MICU2: variants seen among roughly 807,000 people sequenced by gnomAD.
MICU2 encodes calcium uptake protein 2, mitochondrial.
Under a neutral mutation model 60.4 loss-of-function variants are expected in MICU2, and 64 were observed. That is an observed-to-expected ratio of 1.06 (90% CI 0.87 to 1.31). The LOEUF (loss-of-function observed/expected upper bound fraction) is 1.31. Ranked by LOEUF, MICU2 falls within the 50% of genes most tolerant of loss-of-function variation. The probability of loss-of-function intolerance (pLI) is 0.00; values close to 1 mark genes in which losing one functional copy is unlikely to be tolerated. For synonymous variants in MICU2, 201 were observed against 175.0 expected (o/e 1.15, Z -1.17); for missense variants, 569 against 531.0 (o/e 1.07, Z -0.70).
chr13:21,527,219 T>C (rs1886880981), intron 4 of MICU2, among the ~76,000 whole-genome samples: 1 of 152,190 alleles, frequency 6.6e-6, no homozygotes, highest in Non-Finnish European at 1.5e-5. Flanking sequence ...CTGAGAGAAG[T>C]GCTCTAATGT....
chr13:21,576,767 C>T (rs1366596633), intron 1 of MICU2, among the ~76,000 whole-genome samples: 1 of 152,170 alleles, frequency 6.6e-6, no homozygotes, highest in Admixed American at 6.5e-5. Context: ...TGACTGATAG[C>T]AGTTTGCCTC....
chr13:21,510,649 C>G (rs1251085837), intron 7 of MICU2, among the ~76,000 whole-genome samples: 1 of 151,704 alleles, frequency 6.6e-6, no homozygotes, highest in Non-Finnish European at 1.5e-5. Context: ...CATCAGCAAC[C>G]AAACAACAAA....
chr13:21,542,682 C>A lies in MICU2; in HGVS notation c.359-2994G>T, dbSNP rs571725479. On this transcript the variant is annotated intron_variant, in intron 2 of 11. Coordinates refer to ENST00000382374, the MANE Select transcript of MICU2 (RefSeq NM_152726.3). ...TGTTTTTGTAGGAGGCGGCATAGAT[C>A]TTGAAGCACTAGGAATTTTGGTTCA... Among the ~76,000 whole-genome samples the A allele has an allele frequency of 4.4e-4, 67 of 152,200 alleles. No individual in the cohort carries two copies. The South Asian group carries it at 7.1e-3, about 16-fold the overall frequency.
At position 21,604,042 on chromosome 13, in the gene MICU2, G is replaced by A. The variant is rs780870527; in HGVS notation, c.107C>T (p.Ala36Val). The A allele has an allele frequency of 2.5e-6, 4 of 1,606,692 alleles. No individual in the cohort carries two copies. In the Admixed American group the frequency reaches 6.7e-5, roughly 27 times the overall value. ...CAGGGCCGCGCCGGCCACTGCCGCT[G>A]CCAAGGGGCCGGGACTCCGCACAGC... is the stretch of plus-strand genomic sequence containing the variant. Reference protein sequence around the residue: ...RQAVRSPGPLAAAVAGAALAG... With the variant: ...RQAVRSPGPLVAAVAGAALAG... The change falls in exon 1 of 12, where the codon GCA becomes GTA. Residue 36 changes from alanine to valine, a missense_variant. Ala to Val is a moderately conservative substitution (Grantham distance 64). Transcript: ENST00000382374.
chr13:21,602,560 C>A (rs969977278), intron 1 of MICU2, among the ~76,000 whole-genome samples: 3 of 151,664 alleles, frequency 2.0e-5, no homozygotes, highest in South Asian at 2.1e-4. Context: ...AACAAAAAAA[C>A]CAGGATGAAT....
chr13:21,517,487 T>C (rs1281030880), intron 6 of MICU2, among the ~76,000 whole-genome samples: 1 of 152,116 alleles, frequency 6.6e-6, no homozygotes, highest in Non-Finnish European at 1.5e-5. Flanking sequence ...TATAAGATGC[T>C]ACATACAGCC....
chr13:21,564,326 T>C (rs1887923204), intron 2 of MICU2, among the ~76,000 whole-genome samples: 1 of 152,178 alleles, frequency 6.6e-6, no homozygotes, highest in African/African-American at 2.4e-5. Flanking sequence ...GTTTACTGTT[T>C]GCTGTAGTTG....
At chr13:21,547,135 C>A (rs1383388305) in intron 2 of MICU2, among the ~76,000 whole-genome samples, 1 of 152,156 alleles carries the variant, frequency 6.6e-6, no homozygotes, top group African/African-American at 2.4e-5. Context: ...TATGTACTTA[C>A]TGCCTTTTAT....
chr13:21,577,243 A>G (rs1888246595), intron 1 of MICU2, among the ~76,000 whole-genome samples: 1 of 152,252 alleles, frequency 6.6e-6, no homozygotes, highest in African/African-American at 2.4e-5. Flanking sequence ...CATTAACTTG[A>G]GTAAACCTTT....
intron 2 of MICU2, among the ~76,000 whole-genome samples, chr13:21,556,401 G>T (rs1456940329): frequency 6.6e-6 from 1 of 152,010 alleles, no homozygotes; most frequent in African/African-American, 2.4e-5. Flanking sequence ...CCAAATGTTG[G>T]AATAACTCAC....
chr13:21,568,057 G>A (rs1888025116), intron 1 of MICU2, among the ~76,000 whole-genome samples: 1 of 152,134 alleles, frequency 6.6e-6, no homozygotes, highest in South Asian at 2.1e-4. Flanking sequence ...CTGAGACACT[G>A]CTCTAACCTG....
intron 9 of MICU2, among the ~76,000 whole-genome samples, chr13:21,500,463 C>G (rs1208451328): frequency 7.8e-6 from 1 of 127,960 alleles, no homozygotes; most frequent in Non-Finnish European, 1.6e-5. Flanking sequence ...CAGAGTCTCA[C>G]TGTTGCCCAG....
chr13:21,570,607 A>G (rs1228424886), intron 1 of MICU2, among the ~76,000 whole-genome samples: 1 of 152,112 alleles, frequency 6.6e-6, no homozygotes, highest in African/African-American at 2.4e-5. Flanking sequence ...TGTCAACTAA[A>G]CTCTTGAAGC....
At chr13:21,514,532 A>T in intron 6 of MICU2, 114 bp from the exon 7 acceptor site, 1 of 701,458 alleles carries the variant, frequency 1.4e-6, no homozygotes, top group Non-Finnish European at 2.4e-6. Context: ...TTTGCTAAAT[A>T]TTAACTTCTT....
At chr13:21,565,557 C>T (rs751963595) in intron 2 of MICU2, among the ~76,000 whole-genome samples, 1 of 152,254 alleles carries the variant, frequency 6.6e-6, no homozygotes, top group Non-Finnish European at 1.5e-5. Context: ...ACTTGAGAGG[C>T]TGAGGCAGGA....
chr13:21,495,491 G>GTC (rs1428059549), intron 10 of MICU2, 173 bp from the exon 11 acceptor site: 3 of 571,524 alleles, frequency 5.2e-6, no homozygotes, highest in Non-Finnish European at 8.9e-6. Flanking sequence ...GCCGACGAAT[G>GTC]TCATGAGAGT....
intron 7 of MICU2, 128 bp from the exon 8 acceptor site, chr13:21,510,229 T>C (rs749281660): frequency 3.6e-5 from 16 of 439,246 alleles, no homozygotes; most frequent in South Asian, 7.1e-5. Context: ...ACAACAAAAG[T>C]TGTAAAAGAG....
At chr13:21,512,614 A>AT (rs1029103094) in intron 7 of MICU2, among the ~76,000 whole-genome samples, 10 of 151,292 alleles carry the variant, frequency 6.6e-5, no homozygotes, top group Non-Finnish European at 1.5e-4. Flanking sequence ...GGCCCAGCTA[A>AT]TTTTTTTTGT....
chr13:21,601,932 C>T (rs955078442), intron 1 of MICU2, among the ~76,000 whole-genome samples: 2 of 150,844 alleles, frequency 1.3e-5, no homozygotes, highest in Admixed American at 1.3e-4. Flanking sequence ...GGTGAAACCC[C>T]GGCTCTACTA....
Sources: allele counts gnomAD v4.1 joint callset (sites outside exome capture counted in the v4.1 genomes callset), GRCh38; gene constraint gnomAD v4.1.1; transcripts MANE v1.5; gene names NCBI Gene and HGNC (gene_info 2026-07-23, HGNC 2026-07-21).